CEP295: variants seen among roughly 807,000 people sequenced by gnomAD.
CEP295 encodes centrosomal protein 295.
A neutral mutation model predicts 291.6 loss-of-function variants in CEP295; 190 were observed. The ratio of observed to expected loss-of-function variants is 0.65; its 90% confidence interval spans 0.58 to 0.73. The LOEUF is 0.73. CEP295 is among the 30% of genes least tolerant of loss of function. The pLI is 0.00. For missense variants in CEP295, 2,863 were observed against 2,949.4 expected (o/e 0.97, Z 0.68); for synonymous variants, 993 against 1,038.8 (o/e 0.96, Z 0.85).
chr11:93,665,993 T>C (rs1164135836), intron 1 of CEP295, among the ~76,000 whole-genome samples: 1 of 152,216 alleles, frequency 6.6e-6, no homozygotes, highest in Non-Finnish European at 1.5e-5. Flanking sequence ...TTTGAAAACA[T>C]TTATTCTATG....
At chr11:93,664,684 A>G (rs962415378) in intron 1 of CEP295, among the ~76,000 whole-genome samples, 1 of 152,206 alleles carries the variant, frequency 6.6e-6, no homozygotes, top group Non-Finnish European at 1.5e-5. Flanking sequence ...GGCTATGGAC[A>G]TAAAATGGTG....
chr11:93,664,381 C>T (rs1950118378), intron 1 of CEP295, among the ~76,000 whole-genome samples: 1 of 152,238 alleles, frequency 6.6e-6, no homozygotes, highest in Non-Finnish European at 1.5e-5. Context: ...TAGATGTTGT[C>T]ACTCAGGGAA....
chr11:93,675,520 T>C, intron 5 of CEP295, 51 bp from the exon 6 acceptor site: 8 of 994,236 alleles, frequency 8.0e-6, no homozygotes, highest in Non-Finnish European at 1.2e-5. Flanking sequence ...GGATTCAGCT[T>C]TAAGTGAAAA....
intron 20 of CEP295, chr11:93,722,809 G>A (rs1447109150): frequency 2.7e-6 from 1 of 366,006 alleles, no homozygotes; most frequent in African/African-American, 2.1e-5. Flanking sequence ...CCAGGCTGGA[G>A]TGCAATGGTG....
At position 93,698,868 on chromosome 11, in the gene CEP295, G is replaced by A. The variant is rs1272653367; in HGVS notation, c.3956G>A (p.Ser1319Asn). The change falls in exon 15 of 30, where the codon AGT (serine) becomes AAT (asparagine). Residue 1319 changes from serine to asparagine, a missense_variant. Physicochemically the swap from Ser to Asn is conservative, Grantham distance 46 (BLOSUM62 1). This residue lies in a region of CEP295 where 2,295 missense variants were observed against 2,335.7 expected (regional missense o/e 0.98). Coordinates refer to ENST00000325212, the MANE Select transcript of CEP295 (RefSeq NM_033395.2). ...GTILEPLFTE[S>N]ESKIFSSHLQ... ...ATCCTGGAACCTCTTTTTACAGAGA[G>A]TGAAAGTAAAATTTTTTCAAGCCAC... The A allele has an allele frequency of 3.9e-6, 6 of 1,551,628 alleles. No homozygotes were observed. Among genetic ancestry groups the A allele is most frequent in the South Asian group, 1.2e-5 (1 of 84,070 alleles).
At chr11:93,695,776 C>T (rs908370441) in intron 13 of CEP295, 142 bp downstream of exon 13, 22 of 900,896 alleles carry the variant, frequency 2.4e-5, no homozygotes, top group Middle Eastern at 3.0e-4. Flanking sequence ...TTTGGGTGGC[C>T]GAGACAGGCA....
chr11:93,683,781 T>C (rs1238455353), intron 8 of CEP295, 39 bp downstream of exon 8: 2 of 1,503,646 alleles, frequency 1.3e-6, no homozygotes, highest in Non-Finnish European at 1.8e-6. Context: ...AGTGATTTTA[T>C]ACGTTTTGGT....
intron 19 of CEP295, 145 bp downstream of exon 19, chr11:93,721,557 T>C: frequency 1.3e-6 from 1 of 773,512 alleles, no homozygotes; most frequent in South Asian, 1.4e-5. Context: ...ATGATGAAAC[T>C]AGCCAAATCT....
At position 93,696,865 on chromosome 11, in the gene CEP295, CAAGTT is replaced by C; in HGVS notation, c.1954_1958del (p.Lys652GlufsTer3). 6.4e-7 allele frequency: 1 copy of C among 1,551,750 alleles called. No individual in the cohort carries two copies. The highest frequency in any genetic ancestry group is 8.7e-7 in the Non-Finnish European group (1 of 1,146,956). On this transcript the variant is annotated frameshift_variant, in exon 15 of 30. Coordinates refer to ENST00000325212, the MANE Select transcript of CEP295 (RefSeq NM_033395.2). LOFTEE classifies it high-confidence loss of function. ...AGCATTGGGATCAAGGTCAGAGACTCAAGTTGAGTCCTAACAAATACCAACCCATA... is the reference window on the plus strand; with the variant it reads ...AGCATTGGGATCAAGGTCAGAGACTCGAGTCCTAACAAATACCAACCCATA...
chr11:93,709,285 G>C (rs993503362), intron 18 of CEP295, among the ~76,000 whole-genome samples: 6 of 152,132 alleles, frequency 3.9e-5, no homozygotes, highest in African/African-American at 7.2e-5. Context: ...TGAGGCCTTA[G>C]ATTTAAATCT....
chr11:93,722,379 T>A lies in CEP295; in HGVS notation c.5947+329T>A, dbSNP rs902431208. 3.0e-5 allele frequency: 7 copies of A among 234,742 alleles called. No individual in the cohort carries two copies. The South Asian group carries it at 3.7e-4, about 13-fold the overall frequency. 14.5% of individuals were successfully genotyped at this position (234,742 alleles called of 1,614,324 possible). Reference sequence around the variant, plus strand: ...CAGGAGGCTGAGGTGAGGGGATCGCTTGAGCCTGGGAGGTCAAGGCTGCAA... The same window carrying A: ...CAGGAGGCTGAGGTGAGGGGATCGCATGAGCCTGGGAGGTCAAGGCTGCAA... On this transcript the variant is annotated intron_variant, in intron 20 of 29. Coordinates refer to ENST00000325212, the MANE Select transcript of CEP295 (RefSeq NM_033395.2).
chr11:93,702,103 C>T (rs1350327765), intron 15 of CEP295, among the ~76,000 whole-genome samples: 3 of 152,130 alleles, frequency 2.0e-5, no homozygotes, highest in African/African-American at 7.2e-5. Context: ...GGATTACAGG[C>T]ATGCACAATC....
chr11:93,730,321 C>T lies in CEP295; in HGVS notation c.*52C>T. ...TTAATTGTGTATATGTAGCATTAGACAAAATTATTTAAAGTCAATAAATTG... is the reference window on the plus strand; with the variant it reads ...TTAATTGTGTATATGTAGCATTAGATAAAATTATTTAAAGTCAATAAATTG... On this transcript the variant is annotated 3_prime_UTR_variant, in exon 30 of 30. Transcript: ENST00000325212. The T allele has an allele frequency of 1.7e-5, 21 of 1,239,646 alleles. No homozygotes were observed. The highest frequency in any genetic ancestry group is 2.3e-5 in the Non-Finnish European group (20 of 868,084). The allele number at this position is 1,239,646 out of a possible 1,614,324, so 76.8% of individuals were successfully genotyped here. A position where few individuals can be genotyped will look rare whatever the true frequency, so the allele number is the denominator to read the frequency against.
At position 93,699,851 on chromosome 11, in the gene CEP295, C is replaced by CT; in HGVS notation, c.4940dup (p.Pro1648ThrfsTer17). 6 of 1,552,206 alleles carry CT rather than the reference C, an allele frequency of 3.9e-6. No individual in the cohort carries two copies. The highest frequency in any genetic ancestry group is 5.2e-6 in the Non-Finnish European group (6 of 1,147,094). ...TGAGCATACTATCCCCTCTTTGTTT[C>CT]TACCCAAGGAAACAGAGCATTCGTT... is the stretch of plus-strand genomic sequence containing the variant. On this transcript the variant is annotated frameshift_variant, in exon 15 of 30. Coordinates refer to ENST00000325212, the MANE Select transcript of CEP295 (RefSeq NM_033395.2). LOFTEE classifies it high-confidence loss of function.
At chr11:93,692,076 C>G (rs971992572) in intron 12 of CEP295, 46 bp downstream of exon 12, 8 of 1,053,498 alleles carry the variant, frequency 7.6e-6, no homozygotes, top group Non-Finnish European at 9.8e-6. Flanking sequence ...CCCCTAGGTA[C>G]TATTATATAA....
chr11:93,724,410 T>A, intron 22 of CEP295, 35 bp downstream of exon 22: 1 of 1,534,740 alleles, frequency 6.5e-7, no homozygotes, highest in Non-Finnish European at 8.8e-7. Flanking sequence ...GCAGTGAATA[T>A]CTAAAAATAG....
At position 93,698,028 on chromosome 11, in the gene CEP295, C is replaced by T; in HGVS notation, c.3116C>T (p.Ser1039Phe). ...TCATGCCAATCTGACATCCCCATATCTCAGGATGGGTCTTTGAGTTTCCTA... is the reference window on the plus strand; with the variant it reads ...TCATGCCAATCTGACATCCCCATATTTCAGGATGGGTCTTTGAGTTTCCTA... Reference protein sequence around the residue: ...LVSCQSDIPISQDGSLSFLQQ... With the variant: ...LVSCQSDIPIFQDGSLSFLQQ... The change falls in exon 15 of 30, where the codon TCT becomes TTT. Residue 1039 changes from serine (S) to phenylalanine (F), a missense_variant. Transcript: ENST00000325212. The T allele has an allele frequency of 6.4e-7, 1 of 1,551,746 alleles. No individual in the cohort carries two copies.
chr11:93,680,176 C>G (rs1950894178), intron 7 of CEP295, among the ~76,000 whole-genome samples: 1 of 152,132 alleles, frequency 6.6e-6, no homozygotes. Context: ...ACTCAGGAGG[C>G]CAAGGTGGGA....
chr11:93,697,411 T>G lies in CEP295; in HGVS notation c.2499T>G (p.Pro833=). The change falls in exon 15 of 30, where the codon CCT becomes CCG. Residue 833 remains proline (P), a synonymous_variant. Transcript: ENST00000325212. ...TAATCAGCCAAATGCATGATAGGCCTTTGCTGCCGTCAGAGAATATCACAG... is the reference window on the plus strand; with the variant it reads ...TAATCAGCCAAATGCATGATAGGCCGTTGCTGCCGTCAGAGAATATCACAG... ...HSIISQMHDR[P]LLPSENITAQ... is the part of the protein sequence containing the mutation. 1 of 1,552,190 alleles carries G rather than the reference T, an allele frequency of 6.4e-7. No homozygotes were observed. Among genetic ancestry groups the G allele is most frequent in the East Asian group, 2.4e-5 (1 of 40,918 alleles).
Sources: allele counts gnomAD v4.1 joint callset (sites outside exome capture counted in the v4.1 genomes callset), GRCh38; gene constraint gnomAD v4.1.1; regional missense constraint gnomAD v4.1.1; transcripts MANE v1.5; gene names NCBI Gene and HGNC (gene_info 2026-07-23, HGNC 2026-07-21).